HECW1: variants seen among roughly 807,000 people sequenced by gnomAD.
The protein encoded by HECW1 is HECT, C2 and WW domain containing E3 ubiquitin protein ligase 1.
Under a neutral mutation model 182.3 loss-of-function variants are expected in HECW1, and 61 were observed. The ratio of observed to expected loss-of-function variants is 0.33; its 90% CI spans 0.27 to 0.41. The LOEUF is 0.41. Among genes scored for constraint, HECW1 ranks in the 10% least tolerant of loss-of-function variants. The pLI, the probability that HECW1 is intolerant of heterozygous loss-of-function variation, is 1.00. For missense variants in HECW1, 1,739 were observed against 2,108.9 expected, an observed-to-expected ratio of 0.82 and a Z score of 3.44; for synonymous variants, 859 against 832.6, an observed-to-expected ratio of 1.03 and a Z score of -0.55.
chr7:43,352,934 C>T lies in HECW1; in HGVS notation c.461-7952C>T, dbSNP rs915221463. ...AGTGCTACAGCTGGCCTACTAATCC[C>T]TTAACAGTGTAGGAAGGTGGGGGGG... On this transcript the variant is annotated intron_variant, in intron 5 of 29. Coordinates refer to ENST00000395891, the MANE Select transcript of HECW1 (RefSeq NM_015052.5). 6.6e-5 allele frequency among the ~76,000 whole-genome samples: 10 copies of T among 152,104 alleles called. No homozygotes were observed. In the East Asian group the frequency reaches 1.5e-3, roughly 23 times the overall value.
intron 6 of HECW1, among the ~76,000 whole-genome samples, chr7:43,363,003 T>G (rs1816161287): frequency 6.6e-6 from 1 of 152,232 alleles, no homozygotes; most frequent in Non-Finnish European, 1.5e-5. Context: ...ATTCAAATTC[T>G]TACCTGAAGC....
At chr7:43,541,317 C>T (rs1398483821) in intron 25 of HECW1, 56 bp downstream of exon 25, 1 of 1,331,080 alleles carries the variant, frequency 7.5e-7, no homozygotes, top group Non-Finnish European at 1.1e-6. Context: ...GGCAAGGACA[C>T]CGACCTCTCT....
At chr7:43,406,341 A>G (rs2075609147) in intron 7 of HECW1, among the ~76,000 whole-genome samples, 1 of 152,212 alleles carries the variant, frequency 6.6e-6, no homozygotes, top group African/African-American at 2.4e-5. Flanking sequence ...GGTCATTTTG[A>G]ATATACAGCC....
intron 5 of HECW1, among the ~76,000 whole-genome samples, chr7:43,335,775 TCTTC>T (rs1812056884): frequency 9.1e-6 from 1 of 109,532 alleles, no homozygotes; most frequent in Non-Finnish European, 2.0e-5. Context: ...CTTTTTTCTT[TCTTC>T]CTTTCTTCCT....
chr7:43,289,006 A>G (rs1805025082), intron 3 of HECW1, among the ~76,000 whole-genome samples: 1 of 151,942 alleles, frequency 6.6e-6, no homozygotes, highest in African/African-American at 2.4e-5. Context: ...TAACTCACCA[A>G]TTTATCCCAT....
At position 43,381,821 on chromosome 7, in the gene HECW1, G is replaced by C. The variant is rs189052831; in HGVS notation, c.556-14993G>C. Among the ~76,000 whole-genome samples, 10 of 152,194 alleles carry C rather than the reference G, an allele frequency of 6.6e-5. No homozygotes were observed. The South Asian group carries it at 2.1e-3, about 32-fold the overall frequency. ...TTATAGGTGTGAGCCACCACACCTG[G>C]CTGATAATTTTTTAAAAATTTTTTT... On this transcript the variant is annotated intron_variant, in intron 6 of 29. Coordinates refer to ENST00000395891, the MANE Select transcript of HECW1 (RefSeq NM_015052.5).
intron 2 of HECW1, among the ~76,000 whole-genome samples, chr7:43,208,879 A>C (rs1333224673): frequency 6.6e-6 from 1 of 152,160 alleles, no homozygotes; most frequent in African/African-American, 2.4e-5. Context: ...CAGAAGCCAC[A>C]CACTCTTGGA....
chr7:43,344,109 GT>G (rs1403051958), intron 5 of HECW1, among the ~76,000 whole-genome samples: 4 of 151,694 alleles, frequency 2.6e-5, no homozygotes, highest in East Asian at 3.9e-4. Context: ...GGGTTGTTTG[GT>G]TTTTTTCTTG....
At chr7:43,527,581 C>T (rs1315457448) in intron 24 of HECW1, among the ~76,000 whole-genome samples, 9 of 152,162 alleles carry the variant, frequency 5.9e-5, no homozygotes. Flanking sequence ...AGGTCCTTTA[C>T]TTAATTATAT....
intron 29 of HECW1, among the ~76,000 whole-genome samples, chr7:43,559,836 C>T (rs778543265): frequency 5.3e-5 from 8 of 152,122 alleles, no homozygotes; most frequent in Non-Finnish European, 8.8e-5. Context: ...TTCGTTCATT[C>T]TAGATGACAA....
chr7:43,305,627 G>C (rs1015782035), intron 3 of HECW1, among the ~76,000 whole-genome samples: 2 of 151,376 alleles, frequency 1.3e-5, no homozygotes, highest in Non-Finnish European at 2.9e-5. Flanking sequence ...TTGTTTGGGG[G>C]GGACAGAGTC....
rs149146372 is a variant in HECW1 at position 43,309,037 on chromosome 7, G to A, written c.28-2726G>A. Among the ~76,000 whole-genome samples the A allele has an allele frequency of 2.0e-3, 309 of 152,280 alleles. 2 individuals carry two copies. Among genetic ancestry groups the A allele is most frequent in the African/African-American group, 7.1e-3 (297 of 41,552 alleles). On this transcript the variant is annotated intron_variant, in intron 3 of 29. Coordinates refer to ENST00000395891, the MANE Select transcript of HECW1 (RefSeq NM_015052.5). ...GGGGGCTTTTCATGGCAGGAATTAT[G>A]CCAGGTACAGGGGATATACAGAGGA... is the stretch of plus-strand genomic sequence containing the variant.
chr7:43,328,229 A>G (rs34933689), intron 5 of HECW1, among the ~76,000 whole-genome samples: 52,645 of 151,962 alleles, frequency 0.35, 9,708 homozygotes, highest in Middle Eastern at 0.49. Flanking sequence ...TGGGAAGCTG[A>G]GATGGGAGAA....
chr7:43,352,360 A>C (rs923082429), intron 5 of HECW1, among the ~76,000 whole-genome samples: 3 of 152,216 alleles, frequency 2.0e-5, no homozygotes, highest in Non-Finnish European at 4.4e-5. Flanking sequence ...TCTGAAATTC[A>C]ATTTTAACTG....
At chr7:43,114,730 CT>C (rs5883857) in intron 2 of HECW1, among the ~76,000 whole-genome samples, 3 of 151,182 alleles carry the variant, frequency 2.0e-5, no homozygotes, top group African/African-American at 4.9e-5. Context: ...TGACAGTTCT[CT>C]TTTTTTTTGG....
chr7:43,327,807 A>G (rs1289789132), intron 5 of HECW1, among the ~76,000 whole-genome samples: 1 of 152,132 alleles, frequency 6.6e-6, no homozygotes, highest in Admixed American at 6.5e-5. Context: ...GCATCATGTG[A>G]TATCATATAT....
chr7:43,162,469 C>T (rs555299258), intron 2 of HECW1, among the ~76,000 whole-genome samples: 1 of 152,366 alleles, frequency 6.6e-6, no homozygotes, highest in South Asian at 2.1e-4. Context: ...TGTCTCTCCT[C>T]TGCGTGTCCC....
intron 2 of HECW1, among the ~76,000 whole-genome samples, chr7:43,163,471 G>T (rs941536762): frequency 6.6e-6 from 1 of 152,186 alleles, no homozygotes; most frequent in East Asian, 1.9e-4. Flanking sequence ...GGCAGGCTCT[G>T]CTTCTGGCTG....
intron 12 of HECW1, among the ~76,000 whole-genome samples, chr7:43,452,603 G>A (rs2077271218): frequency 6.6e-6 from 1 of 152,146 alleles, no homozygotes; most frequent in African/African-American, 2.4e-5. Flanking sequence ...TACTATTGTG[G>A]GTAAGCAAAA....
Sources: gnomAD v4.1 joint callset for allele counts (sites outside exome capture counted in the v4.1 genomes callset) on GRCh38, gnomAD v4.1.1 for gene constraint, MANE v1.5 for transcripts, NCBI Gene and HGNC (gene_info 2026-07-23, HGNC 2026-07-21) for gene names.